Variants in RNF213 observed in about 807,000 individuals in gnomAD.
The protein encoded by RNF213 is E3 ubiquitin-protein ligase RNF213.
Under a neutral mutation model 514.4 loss-of-function variants are expected in RNF213, and 341 were observed. That is an observed-to-expected ratio of 0.66 (90% CI 0.61 to 0.73). RNF213 has a LOEUF of 0.73. Among genes scored for constraint, RNF213 ranks in the 30% least tolerant of loss-of-function variants. The probability of loss-of-function intolerance (pLI) is 0.00; values close to 1 mark genes in which losing one functional copy is unlikely to be tolerated. For missense variants in RNF213, 5,767 were observed against 6,615.6 expected, an observed-to-expected ratio of 0.87 and a Z score of 4.45; for synonymous variants, 2,655 against 2,658.2, an observed-to-expected ratio of 1.00 and a Z score of 0.04.
chr17:80,325,162 A>C lies in RNF213; in HGVS notation c.3157A>C (p.Thr1053Pro). The stretch of plus-strand genomic sequence containing the variant: ...CGATGACATTTTAAAGCATCTGCTC[A>C]CGTTGGCAGATGTCAAGCACGTCTT... Reference protein sequence around the residue: ...NFDDILKHLLTLADVKHVFRL... With the variant: ...NFDDILKHLLPLADVKHVFRL... The change falls in exon 18 of 68, where the codon ACG becomes CCG. Residue 1053 changes from threonine to proline, a missense_variant. Transcript: ENST00000582970. The C allele has an allele frequency of 6.5e-7, 1 of 1,535,858 alleles. No homozygotes were observed. Among genetic ancestry groups the C allele is most frequent in the Non-Finnish European group, 8.7e-7 (1 of 1,145,802 alleles).
rs200188581 is a variant in RNF213 at position 80,287,973 on chromosome 17, G to A, written c.420G>A (p.Gln140=). Residue 140 remains glutamine (Q), a synonymous_variant, in exon 4 of 68, where the codon CAG becomes CAA. Coordinates refer to ENST00000582970, the MANE Select transcript of RNF213 (RefSeq NM_001256071.3). ...DTALPHSQAQ[Q]SGPTGQPSQP... ...CCCTGCCCCACAGCCAAGCCCAGCA[G>A]AGTGGCCCCACTGGCCAGCCGAGCC... 22 of 1,575,886 alleles carry A rather than the reference G, an allele frequency of 1.4e-5. No homozygotes were observed. The African/African-American group carries it at 2.6e-4, about 18-fold the overall frequency.
rs1368661016 is a variant in RNF213, at chr17:80,367,417, G to C, written c.11872-331G>C. Among the ~76,000 whole-genome samples, 6 of 152,126 alleles carry C rather than the reference G, an allele frequency of 3.9e-5. No homozygotes were observed. In the South Asian group the frequency reaches 1.0e-3, roughly 26 times the overall value. On this transcript the variant is annotated intron_variant, in intron 42 of 67. Transcript: ENST00000582970. ...GATCTAAAGCAAATATTCCATAAAT[G>C]CTGAGATTTCTTAAAGCTTGGTGGG...
intron 15 of RNF213, chr17:80,315,678 GGTGGTGGT>G: frequency 6.6e-6 from 1 of 152,388 alleles, no homozygotes; most frequent in Non-Finnish European, 1.4e-5. Context: ...TGGAGGTGAT[GGTGGTGGT>G]GAAGGTGATG....
intron 3 of RNF213, among the ~76,000 whole-genome samples, chr17:80,283,736 G>T (rs1184385096): frequency 6.6e-6 from 1 of 152,176 alleles, no homozygotes; most frequent in Non-Finnish European, 1.5e-5. Flanking sequence ...GGTGGTCAGG[G>T]GCCTGCCTCA....
intron 14 of RNF213, among the ~76,000 whole-genome samples, chr17:80,311,498 G>GT (rs2045572119): frequency 6.6e-6 from 1 of 152,178 alleles, no homozygotes; most frequent in Non-Finnish European, 1.5e-5. Context: ...CGCCCCCTGC[G>GT]TGCTGTGCTC....
intron 11 of RNF213, among the ~76,000 whole-genome samples, chr17:80,305,680 C>T (rs564964914): frequency 2.0e-5 from 3 of 150,122 alleles, no homozygotes; most frequent in South Asian, 2.1e-4. Context: ...GGCGTGATCT[C>T]GGCTCACTGC....
Position 80,353,899 on chromosome 17 carries a change from C to T in RNF213, c.10579-120C>T, listed in dbSNP as rs116898047. ...CGGAGGTCGGCGTCTCTTCTTTGTCCGTGAGGACCGCCGCCCTGTGCTGTT... is the reference window on the plus strand; with the variant it reads ...CGGAGGTCGGCGTCTCTTCTTTGTCTGTGAGGACCGCCGCCCTGTGCTGTT... On this transcript the variant is annotated intron_variant, in intron 34 of 67. Coordinates refer to ENST00000582970, the MANE Select transcript of RNF213 (RefSeq NM_001256071.3). This position sits in a 1 kb window ranked among gnomAD's most constrained non-coding sequence, Gnocchi z 5.0. 4.3e-3 allele frequency: 5,898 copies of T among 1,381,618 alleles called. 67 individuals carry two copies. Among genetic ancestry groups the T allele is most frequent in the African/African-American group, 0.034 (2,411 of 70,286 alleles). 85.6% of individuals were successfully genotyped at this position (1,381,618 alleles called of 1,614,324 possible). A position where few individuals can be genotyped will look rare whatever the true frequency, so the allele number is the denominator to read the frequency against.
intron 17 of RNF213, among the ~76,000 whole-genome samples, chr17:80,321,755 G>A (rs1011834830): frequency 1.3e-5 from 2 of 152,096 alleles, no homozygotes; most frequent in Non-Finnish European, 2.9e-5. Flanking sequence ...ATGGAGTCTT[G>A]CCCTGTCACC....
chr17:80,305,748 A>G (rs916618037), intron 11 of RNF213, among the ~76,000 whole-genome samples: 11 of 151,358 alleles, frequency 7.3e-5, no homozygotes, highest in Admixed American at 5.9e-4. Context: ...AGTAGCTGGG[A>G]TTACAGGATT....
At position 80,345,190 on chromosome 17, in the gene RNF213, G is replaced by C; in HGVS notation, c.6855G>C (p.Arg2285Ser). 6.2e-7 allele frequency: 1 copy of C among 1,614,092 alleles called. No individual in the cohort carries two copies. The highest frequency in any genetic ancestry group is 8.5e-7 in the Non-Finnish European group (1 of 1,180,028). Residue 2285 changes from arginine (R) to serine (S), a missense_variant, in exon 29 of 68, where the codon AGG (arginine) becomes AGC (serine). By Grantham distance (110) the Arg-to-Ser change is moderately radical (BLOSUM62 -1). Coordinates refer to ENST00000582970, the MANE Select transcript of RNF213 (RefSeq NM_001256071.3). The surrounding 1 kb of genome is among the most constrained non-coding windows in gnomAD (Gnocchi z 6.0). ...GKHMVTMDGV[R>S]EEDLAPFSLR... Reference sequence around the variant, plus strand: ...ACATGGTCACCATGGATGGGGTTAGGGAAGAAGATCTAGCGCCCTTCTCCC... The same window carrying C: ...ACATGGTCACCATGGATGGGGTTAGCGAAGAAGATCTAGCGCCCTTCTCCC...
Position 80,282,869 on chromosome 17 carries a change from T to C in RNF213, c.262-4946T>C, listed in dbSNP as rs559633540. Among the ~76,000 whole-genome samples the C allele has an allele frequency of 6.0e-5, 9 of 150,664 alleles. No homozygotes were observed. The South Asian group carries it at 1.7e-3, about 28-fold the overall frequency. ...TGTGCCACCACGCCTGGCTAATTTT[T>C]GTATTTTTAGTAGAGATGGGGTTTC... On this transcript the variant is annotated intron_variant, in intron 3 of 67. Coordinates refer to ENST00000582970, the MANE Select transcript of RNF213 (RefSeq NM_001256071.3).
intron 3 of RNF213, among the ~76,000 whole-genome samples, chr17:80,277,520 C>T (rs2044108628): frequency 6.7e-6 from 1 of 148,594 alleles, no homozygotes; most frequent in African/African-American, 2.5e-5. Flanking sequence ...ATTGCTTGAA[C>T]CTAGGAGGCA....
intron 15 of RNF213, among the ~76,000 whole-genome samples, chr17:80,313,598 G>GGTT (rs1420684349): frequency 6.2e-5 from 9 of 144,776 alleles, no homozygotes; most frequent in South Asian, 4.4e-4. Flanking sequence ...AGGTGATGGT[G>GGTT]GTGGTGGAGG....
intron 36 of RNF213, chr17:80,355,377 CA>C (rs1568121917): frequency 9.6e-5 from 31 of 321,938 alleles, no homozygotes; most frequent in African/African-American, 8.4e-4. Flanking sequence ...TGGGAGCTTA[CA>C]GGGGAAGAAG....
chr17:80,389,761 C>T (rs2080387603), intron 65 of RNF213, 67 bp from the exon 66 acceptor site: 2 of 1,344,042 alleles, frequency 1.5e-6, no homozygotes, highest in Admixed American at 1.7e-5. Context: ...CTCAGGCTCC[C>T]TGGTGCACGA....
At chr17:80,344,526 C>A in intron 28 of RNF213, 152 bp from the exon 29 acceptor site, 1 of 853,510 alleles carries the variant, frequency 1.2e-6, no homozygotes. Flanking sequence ...AAAAGATATG[C>A]TGTGGAAAAA....
rs147876946 is a variant in RNF213 at position 80,336,758 on chromosome 17, G to T, written c.4527+380G>T. On this transcript the variant is annotated intron_variant, in intron 23 of 67. Transcript: ENST00000582970. ...AGAAAAAAGTAAACATTTAAAATTA[G>T]CCAGGCATGGTGGTGTGCGCCTGTA... The T allele has an allele frequency of 1.9e-4, 66 of 350,576 alleles. No individual in the cohort carries two copies. In the East Asian group the frequency reaches 4.5e-3, roughly 24 times the overall value. The allele number at this position is 350,576 out of a possible 1,614,324, so 21.7% of individuals were successfully genotyped here. A position where few individuals can be genotyped will look rare whatever the true frequency, so the allele number is the denominator to read the frequency against.
chr17:80,281,588 C>T (rs1380331556), intron 3 of RNF213, among the ~76,000 whole-genome samples: 12 of 58,818 alleles, frequency 2.0e-4, no homozygotes, highest in Non-Finnish European at 3.9e-4. Flanking sequence ...CACTCACACA[C>T]TGCCAACACA....
In RNF213 at chr17:80,317,705, C is replaced by G. The variant is rs959796068; in HGVS notation, c.2901+428C>G. On this transcript the variant is annotated intron_variant, in intron 16 of 67. Transcript: ENST00000582970. This position sits in a 1 kb window ranked among gnomAD's most constrained non-coding sequence, Gnocchi z 4.1. ...AGTGCCCAGATTGAGGTGCCTGCAA[C>G]CCCCGAAGCTCCAGAGGGCATGTTA... is the stretch of plus-strand genomic sequence containing the variant. Among the ~76,000 whole-genome samples, 18 of 152,190 alleles carry G rather than the reference C, an allele frequency of 1.2e-4. No homozygotes were observed. The highest frequency in any genetic ancestry group is 1.8e-4 in the Non-Finnish European group (12 of 68,034).
Sources: allele counts gnomAD v4.1 joint callset (sites outside exome capture counted in the v4.1 genomes callset), GRCh38; gene constraint gnomAD v4.1.1; non-coding constraint Gnocchi (gnomAD v3.1); transcripts MANE v1.5; gene names NCBI Gene and HGNC (gene_info 2026-07-23, HGNC 2026-07-21).